Variants in SIPA1L1 observed in about 807,000 individuals in gnomAD.
SIPA1L1 encodes signal induced proliferation associated 1 like 1.
Under a neutral mutation model 162.7 loss-of-function variants are expected in SIPA1L1, and 26 were observed. The observed-to-expected ratio is 0.16, with a 90% CI of 0.12 to 0.22. The LOEUF (loss-of-function observed/expected upper bound fraction) is 0.22, where lower values mean the gene tolerates loss of function less well. SIPA1L1 is among the 10% of genes least tolerant of loss of function. SIPA1L1 has a pLI of 1.00. For missense variants in SIPA1L1, 1,874 were observed against 2,241.0 expected (o/e 0.84, Z 3.31); for synonymous variants, 829 against 837.4 (o/e 0.99, Z 0.17).
At position 71,677,673 on chromosome 14, in the gene SIPA1L1, G is replaced by A. The variant is rs148137051; in HGVS notation, c.3104+5051G>A. Among the ~76,000 whole-genome samples the A allele has an allele frequency of 5.7e-3, 867 of 152,302 alleles. 13 individuals carry two copies. Among genetic ancestry groups the A allele is most frequent in the African/African-American group, 0.02 (820 of 41,562 alleles). On this transcript the variant is annotated intron_variant, in intron 12 of 23. Transcript: ENST00000381232. ...GTATAAGGTGTAAGGAAGGGATCCA[G>A]TTTCAGCTTCCTACATATGGCTAGC...
chr14:71,410,951 A>G (rs543738353), intron 2 of SIPA1L1, among the ~76,000 whole-genome samples: 39 of 152,284 alleles, frequency 2.6e-4, no homozygotes, highest in Non-Finnish European at 4.6e-4. Flanking sequence ...ACTTAGATCC[A>G]TCATAGGGCT....
At chr14:71,652,853 G>A (rs1190562939) in intron 8 of SIPA1L1, among the ~76,000 whole-genome samples, 3 of 151,844 alleles carry the variant, frequency 2.0e-5, no homozygotes, top group Non-Finnish European at 2.9e-5. Context: ...TTAGGTTCAC[G>A]CTGTCCTTTA....
At position 71,379,229 on chromosome 14, in the gene SIPA1L1, G is replaced by T. The variant is rs182531446; in HGVS notation, c.-465+58048G>T. 4.5e-4 allele frequency among the ~76,000 whole-genome samples: 67 copies of T among 150,260 alleles called. 1 individual carries two copies. In the South Asian group the frequency reaches 0.014, roughly 31 times the overall value. ...TTCATATTTTTCTGTCATGTTCTTT[G>T]TTGTCATTTCCGGAGGGAATGGAGG... is the stretch of plus-strand genomic sequence containing the variant. On this transcript the variant is annotated intron_variant, in intron 2 of 23. Coordinates refer to ENST00000381232, the MANE Select transcript of SIPA1L1 (RefSeq NM_001386936.1).
intron 2 of SIPA1L1, among the ~76,000 whole-genome samples, chr14:71,454,139 C>T (rs951292316): frequency 2.6e-5 from 4 of 151,774 alleles, no homozygotes; most frequent in African/African-American, 7.3e-5. Flanking sequence ...CATTGTCATC[C>T]ATGTTTTCTT....
intron 2 of SIPA1L1, among the ~76,000 whole-genome samples, chr14:71,502,851 T>G (rs1319480714): frequency 6.6e-6 from 1 of 152,198 alleles, no homozygotes; most frequent in Non-Finnish European, 1.5e-5. Context: ...ATACTCTGAT[T>G]TTCTTAAGGA....
intron 7 of SIPA1L1, among the ~76,000 whole-genome samples, chr14:71,649,189 A>AT (rs576399247): frequency 0.12 from 15,675 of 131,120 alleles, 2,031 homozygotes; most frequent in African/African-American, 0.32. Context: ...TCAAAGTCCA[A>AT]TTTTTTTTTT....
Position 71,709,346 on chromosome 14 carries a change from A to G in SIPA1L1, c.3890A>G (p.Tyr1297Cys). The change falls in exon 17 of 24, where the codon TAT becomes TGT. Residue 1297 changes from tyrosine (Y) to cysteine (C), a missense_variant. By Grantham distance (194) the Tyr-to-Cys change is radical (BLOSUM62 -2). Coordinates refer to ENST00000381232, the MANE Select transcript of SIPA1L1 (RefSeq NM_001386936.1). The part of the protein sequence containing the change: ...RTESELNSYN[Y>C]LQGTSADSGI... ...GAATCCGAACTCAACAGCTATAACTATCTGCAAGGCACCTCTGCTGACAGT... is the reference window on the plus strand; with the variant it reads ...GAATCCGAACTCAACAGCTATAACTGTCTGCAAGGCACCTCTGCTGACAGT... 1 of 1,614,242 alleles carries G rather than the reference A, an allele frequency of 6.2e-7. No individual in the cohort carries two copies. The highest frequency in any genetic ancestry group is 8.5e-7 in the Non-Finnish European group (1 of 1,180,048).
At chr14:71,665,161 A>G (rs188946199) in intron 10 of SIPA1L1, among the ~76,000 whole-genome samples, 1 of 152,196 alleles carries the variant, frequency 6.6e-6, no homozygotes, top group Admixed American at 6.5e-5. Flanking sequence ...GACTGTCATT[A>G]TCCATTTATT....
chr14:71,523,116 A>G (rs2052524259), intron 3 of SIPA1L1, among the ~76,000 whole-genome samples: 1 of 151,882 alleles, frequency 6.6e-6, no homozygotes, highest in African/African-American at 2.4e-5. Flanking sequence ...TTTAAAGTTC[A>G]GTTATCACAT....
chr14:71,334,663 A>G (rs1433059059), intron 2 of SIPA1L1, among the ~76,000 whole-genome samples: 1 of 152,210 alleles, frequency 6.6e-6, no homozygotes, highest in Non-Finnish European at 1.5e-5. Context: ...TCTTTATTTT[A>G]GGCTTTTTCC....
At chr14:71,376,586 T>C (rs1331112617) in intron 2 of SIPA1L1, among the ~76,000 whole-genome samples, 1 of 152,026 alleles carries the variant, frequency 6.6e-6, no homozygotes, top group African/African-American at 2.4e-5. Flanking sequence ...TTAGTATTTA[T>C]TGATCATTCT....
At chr14:71,515,077 G>A (rs1448574451) in intron 3 of SIPA1L1, among the ~76,000 whole-genome samples, 2 of 152,182 alleles carry the variant, frequency 1.3e-5, no homozygotes, top group African/African-American at 4.8e-5. Flanking sequence ...GTTATGATTT[G>A]AGCCTCTTTC....
chr14:71,385,189 G>T (rs2040218006), intron 2 of SIPA1L1, among the ~76,000 whole-genome samples: 1 of 152,138 alleles, frequency 6.6e-6, no homozygotes, highest in African/African-American at 2.4e-5. Context: ...ATTAAAATTG[G>T]TCGTGCTCTC....
intron 4 of SIPA1L1, among the ~76,000 whole-genome samples, chr14:71,569,935 G>A (rs1210050752): frequency 9.2e-5 from 14 of 152,166 alleles, no homozygotes; most frequent in Admixed American, 9.2e-4. Context: ...TGTCTCATTG[G>A]CTGAGGGGCT....
intron 7 of SIPA1L1, among the ~76,000 whole-genome samples, chr14:71,641,863 G>A (rs1166248237): frequency 6.6e-6 from 1 of 152,210 alleles, no homozygotes; most frequent in African/African-American, 2.4e-5. Flanking sequence ...AATTAGTACA[G>A]TGGTTGCCTG....
intron 2 of SIPA1L1, among the ~76,000 whole-genome samples, chr14:71,410,651 T>A (rs947638838): frequency 6.6e-6 from 1 of 152,238 alleles, no homozygotes; most frequent in East Asian, 1.9e-4. Context: ...CACGTTGGCA[T>A]TAAAAACGTT....
At chr14:71,344,808 C>T (rs763351716) in intron 2 of SIPA1L1, among the ~76,000 whole-genome samples, 25 of 152,258 alleles carry the variant, frequency 1.6e-4, no homozygotes, top group Non-Finnish European at 3.5e-4. Context: ...TCAAGTGATC[C>T]GCCAGCTTCA....
intron 4 of SIPA1L1, among the ~76,000 whole-genome samples, chr14:71,550,806 T>C (rs1016508784): frequency 6.6e-6 from 1 of 152,084 alleles, no homozygotes; most frequent in African/African-American, 2.4e-5. Context: ...ATCCCAGCAC[T>C]TAGGGAGGCT....
At chr14:71,671,809 T>C in intron 11 of SIPA1L1, 117 bp downstream of exon 11, 1 of 733,728 alleles carries the variant, frequency 1.4e-6, no homozygotes, top group African/African-American at 1.8e-5. Context: ...GAAAACTCCC[T>C]TGATGTGTGA....
Sources: gnomAD v4.1 joint callset for allele counts (sites outside exome capture counted in the v4.1 genomes callset) on GRCh38, gnomAD v4.1.1 for gene constraint, MANE v1.5 for transcripts, NCBI Gene and HGNC (gene_info 2026-07-23, HGNC 2026-07-21) for gene names.